NPAS3: variants seen among roughly 807,000 people sequenced by gnomAD.
NPAS3 encodes the protein neuronal PAS domain-containing protein 3.
In NPAS3, 14 loss-of-function variants were observed where a neutral mutation model predicts 73.1. The observed-to-expected ratio is 0.19, with a 90% CI of 0.13 to 0.30. The LOEUF (loss-of-function observed/expected upper bound fraction) is 0.30, where lower values mean the gene tolerates loss of function less well. Ranked by LOEUF, NPAS3 falls within the 10% of genes least tolerant of loss-of-function variation. NPAS3 has a pLI of 1.00. For synonymous variants in NPAS3, 620 were observed against 541.5 expected (o/e 1.14, Z -2.01); for missense variants, 1,096 against 1,250.0 (o/e 0.88, Z 1.86).
At chr14:33,734,308 A>T (rs912187988) in intron 6 of NPAS3, among the ~76,000 whole-genome samples, 3 of 152,210 alleles carry the variant, frequency 2.0e-5, no homozygotes, top group African/African-American at 7.2e-5. Context: ...ACTTAAATTT[A>T]TAAAATACCT....
intron 3 of NPAS3, among the ~76,000 whole-genome samples, chr14:33,259,763 A>C (rs2048903214): frequency 1.3e-5 from 2 of 152,336 alleles, no homozygotes; most frequent in South Asian, 4.1e-4. Context: ...ACAGATGCTG[A>C]AAATGCCATC....
intron 2 of NPAS3, among the ~76,000 whole-genome samples, chr14:33,107,933 A>T (rs1431877500): frequency 6.6e-6 from 1 of 152,154 alleles, no homozygotes; most frequent in African/African-American, 2.4e-5. Flanking sequence ...TCTTTGAAAA[A>T]ATAGAATAAA....
At position 33,175,865 on chromosome 14, in the gene NPAS3, A is replaced by G. The variant is rs574452857; in HGVS notation, c.141-39317A>G. On this transcript the variant is annotated intron_variant, in intron 2 of 11. Coordinates refer to ENST00000356141, the Ensembl canonical transcript of NPAS3. Reference sequence around the variant, plus strand: ...CTACTCAGTCTCCTAAAATAAAATCATAAATTCTTTAGTAATGTTGAATCA... The same window carrying G: ...CTACTCAGTCTCCTAAAATAAAATCGTAAATTCTTTAGTAATGTTGAATCA... Among the ~76,000 whole-genome samples the G allele has an allele frequency of 6.6e-5, 10 of 152,308 alleles. No homozygotes were observed. In the South Asian group the frequency reaches 1.5e-3, roughly 22 times the overall value.
At chr14:32,938,486 TGAGAGAGAGAGAGAGAGA>T (rs369330767), upstream of NPAS3, among the ~76,000 whole-genome samples, 2 of 55,906 alleles carry the variant, frequency 3.6e-5, no homozygotes, top group Admixed American at 1.9e-4. Flanking sequence ...AGAGAGAAAT[TGAGAGAGAGAGAGAGAGA>T]GAGAGAGAGA....
At chr14:33,707,571 G>T (rs2060691327) in intron 6 of NPAS3, among the ~76,000 whole-genome samples, 1 of 152,184 alleles carries the variant, frequency 6.6e-6, no homozygotes, top group African/African-American at 2.4e-5. Flanking sequence ...TGATAGGCGA[G>T]AAATAAAAAC....
At chr14:32,986,362 T>C (rs1250694448) in intron 1 of NPAS3, among the ~76,000 whole-genome samples, 1 of 152,176 alleles carries the variant, frequency 6.6e-6, no homozygotes, top group Middle Eastern at 3.2e-3. Context: ...TTTTGGATAG[T>C]CTACTGGGTG....
At chr14:32,999,851 C>T (rs1348638558) in intron 1 of NPAS3, among the ~76,000 whole-genome samples, 2 of 152,080 alleles carry the variant, frequency 1.3e-5, no homozygotes, top group Non-Finnish European at 2.9e-5. Flanking sequence ...AATATTATAA[C>T]TTAGGATGTA....
At chr14:33,549,538 A>C (rs553234133) in intron 4 of NPAS3, among the ~76,000 whole-genome samples, 2 of 152,190 alleles carry the variant, frequency 1.3e-5, no homozygotes, top group Non-Finnish European at 2.9e-5. Context: ...AAAGAAAAAA[A>C]CAATCACAGT....
chr14:33,378,758 C>G (rs2046414633), intron 4 of NPAS3, among the ~76,000 whole-genome samples: 1 of 152,162 alleles, frequency 6.6e-6, no homozygotes. Context: ...GAGAAAAACC[C>G]AGTGATTTCA....
chr14:33,769,249 T>C (rs2062563230), intron 7 of NPAS3, among the ~76,000 whole-genome samples: 1 of 152,232 alleles, frequency 6.6e-6, no homozygotes, highest in Admixed American at 6.5e-5. Context: ...TCCAGAACTA[T>C]ACCTTCAACT....
chr14:33,285,137 A>T (rs1042985474), intron 3 of NPAS3, among the ~76,000 whole-genome samples: 4 of 152,140 alleles, frequency 2.6e-5, no homozygotes, highest in Admixed American at 2.6e-4. Context: ...TAAAATATCC[A>T]CTTGGCACTC....
intron 4 of NPAS3, among the ~76,000 whole-genome samples, chr14:33,525,841 C>T (rs968013004): frequency 8.5e-5 from 13 of 152,130 alleles, no homozygotes; most frequent in Middle Eastern, 6.8e-3. Context: ...AACCGGGAAA[C>T]GTCTGTTTTC....
intron 3 of NPAS3, among the ~76,000 whole-genome samples, chr14:33,338,305 A>G (rs2044319309): frequency 6.6e-6 from 1 of 152,140 alleles, no homozygotes. Context: ...TTGTGTTAAC[A>G]ATTATAAAAA....
intron 3 of NPAS3, among the ~76,000 whole-genome samples, chr14:33,349,671 A>G (rs2044932998): frequency 6.6e-6 from 1 of 152,064 alleles, no homozygotes. Flanking sequence ...TTGATAGTCC[A>G]CTTTGTTAGT....
At chr14:33,660,815 G>A (rs932000223) in intron 5 of NPAS3, among the ~76,000 whole-genome samples, 7 of 152,000 alleles carry the variant, frequency 4.6e-5, no homozygotes, top group Non-Finnish European at 4.4e-5. Context: ...CTCTGTTTTC[G>A]GACAGCACAT....
intron 5 of NPAS3, among the ~76,000 whole-genome samples, chr14:33,573,732 T>C (rs1175465653): frequency 6.6e-6 from 1 of 152,030 alleles, no homozygotes; most frequent in Non-Finnish European, 1.5e-5. Context: ...AGCTGTAAAA[T>C]ATTTTAAAGG....
At chr14:33,429,906 C>T (rs117313189) in intron 4 of NPAS3, among the ~76,000 whole-genome samples, 2,730 of 152,196 alleles carry the variant, frequency 0.018, 28 homozygotes, top group Middle Eastern at 0.065. Flanking sequence ...ATTGCAGATG[C>T]CCTTGGGGAC....
chr14:33,563,508 A>G lies in NPAS3; in HGVS notation c.558+3298A>G, dbSNP rs1182295267. Among the ~76,000 whole-genome samples, 4 of 80,598 alleles carry G rather than the reference A, an allele frequency of 5.0e-5. No homozygotes were observed. In the South Asian group the frequency reaches 1.5e-3, roughly 30 times the overall value. 52.9% of individuals were successfully genotyped at this position (80,598 alleles called of 152,430 possible). Reference sequence around the variant, plus strand: ...AACAGTCCTCTTGACTTTGCCAGATACACATACATACACACACACACACAC... The same window carrying G: ...AACAGTCCTCTTGACTTTGCCAGATGCACATACATACACACACACACACAC... On this transcript the variant is annotated intron_variant, in intron 5 of 11. Transcript: ENST00000356141.
In NPAS3 at chr14:33,462,972, A is replaced by G. The variant is rs116056781; in HGVS notation, c.468+95704A>G. Among the ~76,000 whole-genome samples the G allele has an allele frequency of 3.9e-3, 588 of 152,338 alleles. 4 individuals are homozygous for G. The highest frequency in any genetic ancestry group is 0.012 in the African/African-American group (511 of 41,592). On this transcript the variant is annotated intron_variant, in intron 4 of 11. Coordinates refer to ENST00000356141, the Ensembl canonical transcript of NPAS3. ...AAAGGTAAGTAGGTAATAAATGGTC[A>G]TTCTTGTTTTTCTGGTTTTAACATT...
Sources: allele counts gnomAD v4.1 joint callset (sites outside exome capture counted in the v4.1 genomes callset), GRCh38; gene constraint gnomAD v4.1.1; transcripts MANE v1.5; gene names NCBI Gene and HGNC (gene_info 2026-07-23, HGNC 2026-07-21).